The following RPL10A variants were observed in gnomAD, a reference collection of about 807,000 sequenced individuals.
RPL10A encodes large ribosomal subunit protein uL1.
RPL10A carries 11 observed loss-of-function variants against 24.6 expected under a neutral mutation model. That is an observed-to-expected ratio of 0.45 (90% CI 0.28 to 0.74). The LOEUF (loss-of-function observed/expected upper bound fraction) is 0.74. Ranked by LOEUF, RPL10A falls within the 30% of genes least tolerant of loss-of-function variation. RPL10A has a pLI of 0.13. For missense variants in RPL10A, 136 were observed against 273.1 expected (o/e 0.50, Z 3.54); for synonymous variants, 98 against 108.5 (o/e 0.90, Z 0.60).
rs567082664 is a variant in RPL10A at position 35,469,652 on chromosome 6, G to T, written c.310+123G>T. The T allele has an allele frequency of 2.9e-4, 335 of 1,148,236 alleles. 1 individual carries two copies. Among genetic ancestry groups the T allele is most frequent in the Middle Eastern group, 2.3e-4 (1 of 4,314 alleles). The allele number at this position is 1,148,236 out of a possible 1,614,324, so 71.1% of individuals were successfully genotyped here. A position where few individuals can be genotyped will look rare whatever the true frequency, so the allele number is the denominator to read the frequency against. ...GAATAGCAAAGGATCGGCGGTGGTTGCCTAGCTTGCCTGAGTGCTGTTTTA... is the reference window on the plus strand; with the variant it reads ...GAATAGCAAAGGATCGGCGGTGGTTTCCTAGCTTGCCTGAGTGCTGTTTTA... On this transcript the variant is annotated intron_variant, in intron 4 of 5. Transcript: ENST00000322203.
At chr6:35,468,713 CTCGA>C in intron 1 of RPL10A, 82 bp from the exon 2 acceptor site, 1 of 1,540,552 alleles carries the variant, frequency 6.5e-7, no homozygotes, top group Non-Finnish European at 8.7e-7. Flanking sequence ...GCCCGCCCGT[CTCGA>C]AGCCTAGACC....
chr6:35,469,410 C>G lies in RPL10A; in HGVS notation c.191C>G (p.Ser64Cys), dbSNP rs757860499. 21 of 1,611,908 alleles carry G rather than the reference C, an allele frequency of 1.3e-5. No individual in the cohort carries two copies. The highest frequency in any genetic ancestry group is 1.2e-4 in the South Asian group (11 of 90,890). Residue 64 changes from serine (S) to cysteine (C), a missense_variant, in exon 4 of 6, where the codon TCT (serine) becomes TGT (cysteine). Around this residue, in one of 3 missense-constraint regions of RPL10A, gnomAD observed 88 missense variants for 149.2 expected, o/e 0.59. Transcript: ENST00000322203. ...AAGTCCACTCCCCGCCCTAAGTTCTCTGTGTGTGTCCTGGGGGACCAGCAG... is the reference window on the plus strand; with the variant it reads ...AAGTCCACTCCCCGCCCTAAGTTCTGTGTGTGTGTCCTGGGGGACCAGCAG... ...RLKSTPRPKF[S>C]VCVLGDQQHC...
In RPL10A at chr6:35,468,889, G is replaced by A; in HGVS notation, c.80+16G>A. The A allele has an allele frequency of 6.2e-7, 1 of 1,613,202 alleles. No individual in the cohort carries two copies. On this transcript the variant is annotated intron_variant, in intron 2 of 5. Transcript: ENST00000322203. ...AGCGCCGCAAGTGAGTGCCGACCCT[G>A]GGGCACGGCGCGGGTGGCGAGGGCC...
chr6:35,468,507 T>G, intron 1 of RPL10A, 68 bp downstream of exon 1: 1 of 1,611,206 alleles, frequency 6.2e-7, no homozygotes, highest in Non-Finnish European at 8.5e-7. Context: ...AGGGTTCGGA[T>G]CCTGTAGGCC....
chr6:35,470,385 G>A lies in RPL10A; in HGVS notation c.483+34G>A, dbSNP rs1031621706. The stretch of plus-strand genomic sequence containing the variant: ...GTCTGGCGGGTTGCTATGGGTGAAG[G>A]TGTTGGCAGGGTCTAAATCTTATCC... On this transcript the variant is annotated intron_variant, in intron 5 of 5. Transcript: ENST00000322203. This position sits in a 1 kb window ranked among gnomAD's most constrained non-coding sequence, Gnocchi z 4.6. 1 of 1,590,270 alleles carries A rather than the reference G, an allele frequency of 6.3e-7. No homozygotes were observed. The highest frequency in any genetic ancestry group is 1.1e-5 in the South Asian group (1 of 89,888).
intron 2 of RPL10A, 24 bp from the exon 3 acceptor site, chr6:35,468,923 C>T (rs1178940362): frequency 1.9e-6 from 3 of 1,613,732 alleles, no homozygotes; most frequent in African/African-American, 2.7e-5. Context: ...CCGGCGGGTG[C>T]TTAACCCCCC....
In RPL10A at chr6:35,470,777, A is replaced by G; in HGVS notation, c.*27A>G. On this transcript the variant is annotated 3_prime_UTR_variant, in exon 6 of 6. Coordinates refer to ENST00000322203, the MANE Select transcript of RPL10A (RefSeq NM_007104.5). The surrounding 1 kb of genome is among the most constrained non-coding windows in gnomAD (Gnocchi z 4.6). The stretch of plus-strand genomic sequence containing the variant: ...GCACATTTGAATAAATTCTATTACC[A>G]GTTCCCTCTGTCTGCCTGTGATTGA... 6.3e-7 allele frequency: 1 copy of G among 1,594,114 alleles called. No homozygotes were observed. Among genetic ancestry groups the G allele is most frequent in the Middle Eastern group, 1.7e-4 (1 of 6,044 alleles).
rs112121986 is a variant in RPL10A at position 35,470,767 on chromosome 6, T to C, written c.*17T>C. The C allele has an allele frequency of 2.3e-3, 3,643 of 1,597,704 alleles. 75 individuals are homozygous for C. The African/African-American group carries it at 0.04, about 17-fold the overall frequency. On this transcript the variant is annotated 3_prime_UTR_variant, in exon 6 of 6. Transcript: ENST00000322203. The surrounding 1 kb of genome is among the most constrained non-coding windows in gnomAD (Gnocchi z 4.6). ...CTATATTAAGGCACATTTGAATAAA[T>C]TCTATTACCAGTTCCCTCTGTCTGC...
rs1767957602 is a variant in RPL10A, at chr6:35,469,045, C to G, written c.161+18C>G. ...ACCGTCAGGTTGGCACCGTTCTGAT[C>G]CCACCCAGCCCTCAGTGCCCCCGTG... On this transcript the variant is annotated intron_variant, in intron 3 of 5. Coordinates refer to ENST00000322203, the MANE Select transcript of RPL10A (RefSeq NM_007104.5). The G allele has an allele frequency of 6.2e-7, 1 of 1,610,926 alleles. No individual in the cohort carries two copies. The highest frequency in any genetic ancestry group is 1.3e-5 in the African/African-American group (1 of 74,848).
At position 35,470,549 on chromosome 6, in the gene RPL10A, C is replaced by T; in HGVS notation, c.484-31C>T. The T allele has an allele frequency of 6.2e-7, 1 of 1,603,696 alleles. No individual in the cohort carries two copies. The highest frequency in any genetic ancestry group is 2.2e-5 in the East Asian group (1 of 44,768). On this transcript the variant is annotated intron_variant, in intron 5 of 5. Coordinates refer to ENST00000322203, the MANE Select transcript of RPL10A (RefSeq NM_007104.5). The surrounding 1 kb of genome is among the most constrained non-coding windows in gnomAD (Gnocchi z 4.6). ...AGGCCATCTGCTATTCGTCCACCAA[C>T]CTGACTTGATCCTCTCTTCCCTCCT...
intron 3 of RPL10A, 133 bp from the exon 4 acceptor site, chr6:35,469,245 TGAG>T (rs1255471233): frequency 1.3e-6 from 2 of 1,493,152 alleles, no homozygotes; most frequent in African/African-American, 1.4e-5. Flanking sequence ...CCGGCCAGCC[TGAG>T]AAGCCAGGCT....
rs551649451 is a variant in RPL10A at position 35,469,851 on chromosome 6, A to G, written c.310+322A>G. ...TTACAGGTAGGAAGCAGACATTCCCAGTTGTCACGTGTCCAGGGTCCACAG... is the reference window on the plus strand; with the variant it reads ...TTACAGGTAGGAAGCAGACATTCCCGGTTGTCACGTGTCCAGGGTCCACAG... On this transcript the variant is annotated intron_variant, in intron 4 of 5. Coordinates refer to ENST00000322203, the MANE Select transcript of RPL10A (RefSeq NM_007104.5). 6.6e-5 allele frequency among the ~76,000 whole-genome samples: 10 copies of G among 152,302 alleles called. No homozygotes were observed. The East Asian group carries it at 1.7e-3, about 27-fold the overall frequency.
chr6:35,468,753 G>A, intron 1 of RPL10A, 46 bp from the exon 2 acceptor site: 1 of 1,555,454 alleles, frequency 6.4e-7, no homozygotes, highest in African/African-American at 1.4e-5. Flanking sequence ...CAGTCCGAGC[G>A]TGTGGACTCC....
intron 3 of RPL10A, 44 bp from the exon 4 acceptor site, chr6:35,469,337 C>T: frequency 6.5e-7 from 1 of 1,542,558 alleles, no homozygotes; most frequent in East Asian, 2.3e-5. Context: ...CCCTTGGGAC[C>T]CAGGGCTAGG....
intron 1 of RPL10A, 56 bp downstream of exon 1, chr6:35,468,495 C>T (rs367722944): frequency 4.6e-4 from 744 of 1,611,890 alleles, no homozygotes; most frequent in African/African-American, 2.7e-3. Flanking sequence ...GGTGCCCCGC[C>T]GAGGGTTCGG....
chr6:35,468,998 G>A lies in RPL10A; in HGVS notation c.132G>A (p.Gln44=), dbSNP rs370449510. 4.3e-6 allele frequency: 7 copies of A among 1,613,172 alleles called. No homozygotes were observed. The African/African-American group carries it at 6.7e-5, about 15-fold the overall frequency. The change falls in exon 3 of 6, where the codon CAG becomes CAA. Residue 44 remains glutamine (Q), a synonymous_variant. Coordinates refer to ENST00000322203, the MANE Select transcript of RPL10A (RefSeq NM_007104.5). ...TCAGCTTGAAGAACTATGATCCCCA[G>A]AAGGACAAGCGCTTCTCGGGCACCG... ...LQISLKNYDP[Q]KDKRFSGTVR... is the part of the protein sequence containing the mutation.
chr6:35,469,155 C>T, intron 3 of RPL10A, 128 bp downstream of exon 3: 1 of 1,480,034 alleles, frequency 6.8e-7, no homozygotes, highest in Non-Finnish European at 9.0e-7. Context: ...CCCCCTGCTC[C>T]GGGCAGGCGC....
At chr6:35,468,655 G>T (rs1767920117) in intron 1 of RPL10A, 144 bp from the exon 2 acceptor site, 2 of 1,514,232 alleles carry the variant, frequency 1.3e-6, no homozygotes, top group South Asian at 1.2e-5. Context: ...CTGAGCTCCC[G>T]TCGCTCTACT....
chr6:35,470,025 G>C lies in RPL10A; in HGVS notation c.311-154G>C, dbSNP rs1031701086. Among the ~76,000 whole-genome samples the C allele has an allele frequency of 6.6e-6, 1 of 151,866 alleles. No homozygotes were observed. Among genetic ancestry groups the C allele is most frequent in the Non-Finnish European group, 1.5e-5 (1 of 68,020 alleles). On this transcript the variant is annotated intron_variant, in intron 4 of 5. Coordinates refer to ENST00000322203, the MANE Select transcript of RPL10A (RefSeq NM_007104.5). The surrounding 1 kb of genome is among the most constrained non-coding windows in gnomAD (Gnocchi z 4.6). Reference sequence around the variant, plus strand: ...CCAGAGGACTTTCTGGAAACCGTTTGGGCTAGGGAAAAGACTGAGGCGGGG... The same window carrying C: ...CCAGAGGACTTTCTGGAAACCGTTTCGGCTAGGGAAAAGACTGAGGCGGGG...
Sources: gnomAD v4.1 joint callset for allele counts (sites outside exome capture counted in the v4.1 genomes callset) on GRCh38, gnomAD v4.1.1 for gene constraint, gnomAD v4.1.1 regional missense constraint, Gnocchi (gnomAD v3.1) non-coding constraint, MANE v1.5 for transcripts, NCBI Gene and HGNC (gene_info 2026-07-23, HGNC 2026-07-21) for gene names.